INKA2: variants seen among roughly 807,000 people sequenced by gnomAD.
INKA2 encodes the protein inka box actin regulator 2.
INKA2 carries 3 observed loss-of-function variants against 9.8 expected under a neutral mutation model. The ratio of observed to expected loss-of-function variants is 0.31; its 90% confidence interval spans 0.14 to 0.79. The LOEUF (loss-of-function observed/expected upper bound fraction) is 0.79. Ranked by LOEUF, INKA2 falls within the 30% of genes least tolerant of loss-of-function variation. The probability of loss-of-function intolerance (pLI) is 0.62; values close to 1 mark genes in which losing one functional copy is unlikely to be tolerated. For synonymous variants in INKA2, 147 were observed against 143.3 expected (o/e 1.03, Z -0.18); for missense variants, 392 against 384.4 (o/e 1.02, Z -0.17).
At chr1:111,731,188 T>C (rs1193727300) in intron 1 of INKA2, among the ~76,000 whole-genome samples, 1 of 152,234 alleles carries the variant, frequency 6.6e-6, no homozygotes, top group African/African-American at 2.4e-5. Context: ...AGAGGCCCTA[T>C]GTAAGTAAGC....
At chr1:111,755,381 C>T in intron 1 of INKA2, 1 of 438,962 alleles carries the variant, frequency 2.3e-6, no homozygotes, top group East Asian at 3.9e-5. Context: ...CAGATGGACA[C>T]ACCAGCCAAT....
intron 1 of INKA2, among the ~76,000 whole-genome samples, chr1:111,730,307 C>G (rs1662877798): frequency 6.6e-6 from 1 of 152,214 alleles, no homozygotes; most frequent in Admixed American, 6.5e-5. Context: ...CTTTCCTTGT[C>G]TTCCCAACTA....
At chr1:111,728,983 A>C (rs899420894) in intron 1 of INKA2, among the ~76,000 whole-genome samples, 1 of 149,284 alleles carries the variant, frequency 6.7e-6, no homozygotes, top group Non-Finnish European at 1.5e-5. Context: ...ACACAATCAT[A>C]GTGGACGGCA....
chr1:111,743,333 C>A (rs937668448), upstream of INKA2, among the ~76,000 whole-genome samples: 5 of 152,192 alleles, frequency 3.3e-5, no homozygotes. Context: ...TCAGAAGGTA[C>A]GTAGCCATTT....
intron 1 of INKA2, among the ~76,000 whole-genome samples, chr1:111,749,290 G>A (rs1254098868): frequency 2.0e-5 from 3 of 152,170 alleles, no homozygotes; most frequent in Non-Finnish European, 1.5e-5. Context: ...AGGAAGGCGA[G>A]GCCCCATCCA....
At chr1:111,730,014 C>T (rs1407290482) in intron 1 of INKA2, among the ~76,000 whole-genome samples, 2 of 152,240 alleles carry the variant, frequency 1.3e-5, no homozygotes, top group Non-Finnish European at 2.9e-5. Context: ...GCCCTGACAG[C>T]CCTGGGATTT....
chr1:111,728,902 G>GTTTTTTTTTTTT (rs1557909328), intron 1 of INKA2, among the ~76,000 whole-genome samples: 3 of 47,012 alleles, frequency 6.4e-5, no homozygotes, highest in Admixed American at 2.0e-4. Flanking sequence ...GTGGAGCTAG[G>GTTTTTTTTTTTT]CTTTTTTTTT....
At chr1:111,740,267 C>T (rs1383689666), upstream of INKA2, among the ~76,000 whole-genome samples, 1 of 152,266 alleles carries the variant, frequency 6.6e-6, no homozygotes, top group Non-Finnish European at 1.5e-5. Context: ...TGGCGAAGCG[C>T]TCTAAGGCCG....
chr1:111,755,097 T>C (rs545567358), intron 1 of INKA2: 1 of 134,700 alleles, frequency 7.4e-6, no homozygotes, highest in East Asian at 2.1e-4. Context: ...ATGTAACATT[T>C]GAGAGTCTAT....
In INKA2 at chr1:111,727,007, T is replaced by C. The variant is rs2101354058; in HGVS notation, c.855A>G (p.Ser285=). The C allele has an allele frequency of 6.2e-7, 1 of 1,613,730 alleles. No homozygotes were observed. Among genetic ancestry groups the C allele is most frequent in the Non-Finnish European group, 8.5e-7 (1 of 1,179,930 alleles). The change falls in exon 2 of 2, where the codon TCA becomes TCG. Residue 285 remains serine (S), a synonymous_variant. Transcript: ENST00000357260. ...CTGTGTTAATATCAAATCCTGAGGG[T>C]GAGTGCTCCAGGGCCTTGGGGCAGC... ...PTSCPKALEH[S]PSGFDINTAV...
intron 1 of INKA2, among the ~76,000 whole-genome samples, chr1:111,728,038 TACACACACAC>T (rs60867844): frequency 4.3e-4 from 47 of 109,518 alleles, no homozygotes; most frequent in African/African-American, 1.4e-3. Flanking sequence ...CCCCACCCCA[TACACACACAC>T]ACACACACAC....
At chr1:111,741,691 C>T (rs1029404629), upstream of INKA2, among the ~76,000 whole-genome samples, 1 of 152,184 alleles carries the variant, frequency 6.6e-6, no homozygotes, top group Admixed American at 6.5e-5. Flanking sequence ...TCTGAGTAAA[C>T]ATTTGTGGAT....
At chr1:111,737,990 A>G (rs975645755) in intron 1 of INKA2, among the ~76,000 whole-genome samples, 5 of 152,240 alleles carry the variant, frequency 3.3e-5, no homozygotes, top group Admixed American at 3.3e-4. Flanking sequence ...CTTTGCAGGC[A>G]GCAGTGGGAA....
chr1:111,726,341 C>CTCCT lies in INKA2; in HGVS notation c.*623_*626dup, dbSNP rs1316854315. The CTCCT allele has an allele frequency of 2.0e-5, 7 of 348,250 alleles. No individual in the cohort carries two copies. Among genetic ancestry groups the CTCCT allele is most frequent in the Non-Finnish European group, 3.1e-5 (6 of 195,222 alleles). The allele number at this position is 348,250 out of a possible 1,614,324, so 21.6% of individuals were successfully genotyped here. A position where few individuals can be genotyped will look rare whatever the true frequency, so the allele number is the denominator to read the frequency against. ...CCCTGGCTGCTCCTTACACACTGTA[C>CTCCT]TCCTTATTCAGCTCATTTTCTCAGA... On this transcript the variant is annotated 3_prime_UTR_variant, in exon 2 of 2. Transcript: ENST00000357260.
intron 1 of INKA2, chr1:111,755,565 A>C: frequency 5.1e-6 from 5 of 984,292 alleles, no homozygotes; most frequent in Non-Finnish European, 7.3e-6. Context: ...CACCGGGCGC[A>C]TCACAAAGAA....
chr1:111,743,451 G>A (rs1422282804), upstream of INKA2, among the ~76,000 whole-genome samples: 1 of 152,160 alleles, frequency 6.6e-6, no homozygotes, highest in Non-Finnish European at 1.5e-5. Flanking sequence ...GCCAGGGAAG[G>A]TGGCCCCCTT....
rs1046814624 is a variant in INKA2 at position 111,723,916 on chromosome 1, T to C, written c.*3052A>G. Reference sequence around the variant, plus strand: ...CAGATTTTGCTCTTGTTCCTCTTGATTTGGCTTTGGAACAGATATGGACAA... The same window carrying C: ...CAGATTTTGCTCTTGTTCCTCTTGACTTGGCTTTGGAACAGATATGGACAA... On this transcript the variant is annotated 3_prime_UTR_variant, in exon 2 of 2. Transcript: ENST00000357260. 2.6e-5 allele frequency: 4 copies of C among 152,260 alleles called. No individual in the cohort carries two copies. The highest frequency in any genetic ancestry group is 5.9e-5 in the Non-Finnish European group (4 of 68,040). The allele number at this position is 152,260 out of a possible 1,614,324, so 9.4% of individuals were successfully genotyped here. A position where few individuals can be genotyped will look rare whatever the true frequency, so the allele number is the denominator to read the frequency against.
intron 1 of INKA2, among the ~76,000 whole-genome samples, chr1:111,753,430 GTTATAAC>G (rs1329472746): frequency 6.6e-6 from 1 of 152,114 alleles, no homozygotes; most frequent in African/African-American, 2.4e-5. Flanking sequence ...CAACAACACT[GTTATAAC>G]TTTTGACTAG....
chr1:111,733,773 C>T (rs186525352), intron 1 of INKA2, among the ~76,000 whole-genome samples: 13 of 152,272 alleles, frequency 8.5e-5, no homozygotes, highest in Admixed American at 5.2e-4. Flanking sequence ...GAAAATGTGA[C>T]GCCAGCATCC....
Sources: gnomAD v4.1 joint callset for allele counts (sites outside exome capture counted in the v4.1 genomes callset) on GRCh38, gnomAD v4.1.1 for gene constraint, MANE v1.5 for transcripts, NCBI Gene and HGNC (gene_info 2026-07-23, HGNC 2026-07-21) for gene names.